Variants in DLGAP2 observed in about 807,000 individuals in gnomAD.
DLGAP2 encodes the protein disks large-associated protein 2.
In DLGAP2, 26 loss-of-function variants were observed where a neutral mutation model predicts 100.3. The ratio of observed to expected loss-of-function variants is 0.26; its 90% CI spans 0.19 to 0.36. The LOEUF is 0.36. Ranked by LOEUF, DLGAP2 falls within the 10% of genes least tolerant of loss-of-function variation. DLGAP2 has a pLI of 1.00. For synonymous variants in DLGAP2, 886 were observed against 630.1 expected, an observed-to-expected ratio of 1.41 and a Z score of -6.08; for missense variants, 1,858 against 1,453.2, an observed-to-expected ratio of 1.28 and a Z score of -4.53.
rs1327163330 is a variant in DLGAP2 at position 1,704,751 on chromosome 8, G to A, written c.*3345G>A. 1.3e-5 allele frequency: 2 copies of A among 151,260 alleles called. No homozygotes were observed. Among genetic ancestry groups the A allele is most frequent in the Non-Finnish European group, 2.9e-5 (2 of 67,946 alleles). The allele number at this position is 151,260 out of a possible 1,614,324, so 9.4% of individuals were successfully genotyped here. On this transcript the variant is annotated 3_prime_UTR_variant, in exon 15 of 15. Coordinates refer to ENST00000637795, the MANE Select transcript of DLGAP2 (RefSeq NM_001346810.2). ...TGGTCAGATAAAAATATAATTACCT[G>A]TAAGGTTATCTGGTTTTAAAAGAAA...
intron 3 of DLGAP2, among the ~76,000 whole-genome samples, chr8:1,390,983 G>T (rs1288573416): frequency 2.6e-5 from 4 of 152,196 alleles, no homozygotes; most frequent in Non-Finnish European, 1.5e-5. Flanking sequence ...GTCTGTGCTG[G>T]CAGGACGAAG....
At chr8:1,314,697 C>G (rs7845310) in intron 3 of DLGAP2, among the ~76,000 whole-genome samples, 67 of 152,296 alleles carry the variant, frequency 4.4e-4, no homozygotes, top group African/African-American at 1.6e-3. Flanking sequence ...GGGCCCCTCT[C>G]CCACCCCTAT....
chr8:1,503,151 T>G (rs7001927), intron 4 of DLGAP2, among the ~76,000 whole-genome samples: 12,566 of 152,222 alleles, frequency 0.083, 1,507 homozygotes, highest in African/African-American at 0.26. Context: ...GAAAGCATTT[T>G]TTCATCTTAG....
At chr8:780,476 G>A (rs1182141406) in intron 1 of DLGAP2, among the ~76,000 whole-genome samples, 1 of 152,164 alleles carries the variant, frequency 6.6e-6, no homozygotes, top group Non-Finnish European at 1.5e-5. Flanking sequence ...TCAACGTAGT[G>A]ATCTCACACC....
At chr8:797,651 C>T (rs1796063027) in intron 1 of DLGAP2, among the ~76,000 whole-genome samples, 1 of 152,196 alleles carries the variant, frequency 6.6e-6, no homozygotes, top group Admixed American at 6.5e-5. Context: ...TTGATGGCTG[C>T]ACTGCCTCAT....
At chr8:1,323,489 G>A (rs1800953016) in intron 3 of DLGAP2, among the ~76,000 whole-genome samples, 3 of 152,196 alleles carry the variant, frequency 2.0e-5, no homozygotes, top group Admixed American at 6.5e-5. Context: ...CCACACTGTG[G>A]CTCCTGCTGT....
At chr8:922,396 A>G (rs1229534666) in intron 2 of DLGAP2, among the ~76,000 whole-genome samples, 1 of 152,208 alleles carries the variant, frequency 6.6e-6, no homozygotes, top group Non-Finnish European at 1.5e-5. Flanking sequence ...TCGAGATGGA[A>G]GACAGTTTTA....
chr8:1,686,724 G>A lies in DLGAP2; in HGVS notation c.2705-4811G>A, dbSNP rs114595163. Among the ~76,000 whole-genome samples the A allele has an allele frequency of 8.2e-3, 1,251 of 152,046 alleles. 18 individuals are homozygous for A. The highest frequency in any genetic ancestry group is 0.029 in the African/African-American group (1,183 of 41,464). On this transcript the variant is annotated intron_variant, in intron 12 of 14. Transcript: ENST00000637795. ...GGTGGAGAGTAGATTGGTGGTTACC[G>A]GAACAGGAGAGAGGAGGAAGAGAAG... is the stretch of plus-strand genomic sequence containing the variant.
intron 3 of DLGAP2, among the ~76,000 whole-genome samples, chr8:1,494,240 C>G (rs185554823): frequency 1.3e-4 from 20 of 152,354 alleles, no homozygotes; most frequent in African/African-American, 4.3e-4. Context: ...CATGTGTGAA[C>G]CTGGTTTTTC....
chr8:1,677,094 G>C (rs113558248), intron 11 of DLGAP2, among the ~76,000 whole-genome samples: 9 of 152,248 alleles, frequency 5.9e-5, no homozygotes, highest in African/African-American at 2.2e-4. Context: ...AAGGCAGGAC[G>C]ATCATTTTAG....
intron 12 of DLGAP2, among the ~76,000 whole-genome samples, chr8:1,690,695 C>T (rs1193834625): frequency 3.8e-5 from 4 of 104,032 alleles, no homozygotes; most frequent in African/African-American, 1.2e-4. Flanking sequence ...TAAAGGGAGA[C>T]CCTATCTCAA....
At chr8:1,143,885 A>G (rs1021347511) in intron 2 of DLGAP2, among the ~76,000 whole-genome samples, 1 of 152,168 alleles carries the variant, frequency 6.6e-6, no homozygotes, top group African/African-American at 2.4e-5. Flanking sequence ...TTCTGTCTCC[A>G]TTGCTAGCTC....
At chr8:826,239 A>C (rs1250598955) in intron 1 of DLGAP2, among the ~76,000 whole-genome samples, 1 of 152,186 alleles carries the variant, frequency 6.6e-6, no homozygotes, top group Non-Finnish European at 1.5e-5. Flanking sequence ...ACGGACACTT[A>C]GGTGGATTCC....
At chr8:1,378,660 A>G (rs148153367) in intron 3 of DLGAP2, among the ~76,000 whole-genome samples, 22 of 152,268 alleles carry the variant, frequency 1.4e-4, no homozygotes, top group African/African-American at 4.1e-4. Context: ...TCCTGCACAC[A>G]TGGGTTGGGC....
intron 3 of DLGAP2, among the ~76,000 whole-genome samples, chr8:1,450,395 C>T (rs1280985122): frequency 4.2e-5 from 5 of 120,466 alleles, no homozygotes; most frequent in East Asian, 4.6e-4. Flanking sequence ...ATGAGGTGGG[C>T]GGCCTCGGTG....
chr8:1,417,883 G>C (rs73670799), intron 3 of DLGAP2, among the ~76,000 whole-genome samples: 2,688 of 152,284 alleles, frequency 0.018, 72 homozygotes, highest in African/African-American at 0.061. Flanking sequence ...CAACACAAAA[G>C]TGCAGTTCCA....
chr8:1,117,283 G>A (rs911427050), intron 2 of DLGAP2, among the ~76,000 whole-genome samples: 1 of 152,214 alleles, frequency 6.6e-6, no homozygotes, highest in Non-Finnish European at 1.5e-5. Context: ...ACCCTGGGCA[G>A]GTGTGCAGAC....
chr8:1,192,576 C>T (rs570308496), intron 2 of DLGAP2, among the ~76,000 whole-genome samples: 9 of 151,598 alleles, frequency 5.9e-5, no homozygotes, highest in Non-Finnish European at 1.3e-4. Flanking sequence ...GCCCCGCCCT[C>T]CCTCTCCACT....
chr8:1,005,146 G>C (rs557856808), intron 2 of DLGAP2, among the ~76,000 whole-genome samples: 160 of 152,298 alleles, frequency 1.1e-3, no homozygotes, highest in African/African-American at 3.8e-3. Context: ...GTGCATCTAT[G>C]TGGAGTTCCT....
Sources: allele counts gnomAD v4.1 joint callset (sites outside exome capture counted in the v4.1 genomes callset), GRCh38; gene constraint gnomAD v4.1.1; transcripts MANE v1.5; gene names NCBI Gene and HGNC (gene_info 2026-07-23, HGNC 2026-07-21).